Variants in FAM168A observed in about 807,000 individuals in gnomAD.
FAM168A encodes the protein protein FAM168A.
Under a neutral mutation model 28.5 loss-of-function variants are expected in FAM168A, and 3 were observed. That is an observed-to-expected ratio of 0.11 (90% CI 0.05 to 0.27). FAM168A has a LOEUF of 0.27. Among genes scored for constraint, FAM168A ranks in the 10% least tolerant of loss-of-function variants. The pLI is 1.00. For missense variants in FAM168A, 222 were observed against 311.5 expected, an observed-to-expected ratio of 0.71 and a Z score of 2.16; for synonymous variants, 122 against 124.2, an observed-to-expected ratio of 0.98 and a Z score of 0.12.
At chr11:73,501,841 C>T (rs1041885866) in intron 1 of FAM168A, among the ~76,000 whole-genome samples, 4 of 152,114 alleles carry the variant, frequency 2.6e-5, no homozygotes, top group African/African-American at 9.7e-5. Context: ...GTGGCTCAAG[C>T]CTGTAATCCC....
intron 1 of FAM168A, among the ~76,000 whole-genome samples, chr11:73,475,055 C>T (rs1867870140): frequency 6.6e-6 from 1 of 152,146 alleles, no homozygotes. Flanking sequence ...TTCTAGATTC[C>T]TACCCACTGT....
chr11:73,557,964 T>C (rs75084502), intron 1 of FAM168A, among the ~76,000 whole-genome samples: 4,513 of 152,178 alleles, frequency 0.03, 219 homozygotes, highest in African/African-American at 0.1. Context: ...GACAACTGAA[T>C]ATCTACAGGC....
chr11:73,413,812 T>C (rs914141110), intron 4 of FAM168A, among the ~76,000 whole-genome samples: 6 of 152,190 alleles, frequency 3.9e-5, no homozygotes, highest in African/African-American at 9.6e-5. Context: ...TCACCTATAA[T>C]CCCAGCACTT....
chr11:73,457,723 C>CAAAAAAAAAAAA (rs58142151), intron 2 of FAM168A, among the ~76,000 whole-genome samples: 12 of 37,542 alleles, frequency 3.2e-4, no homozygotes, highest in African/African-American at 3.6e-4. Context: ...GCCTGGGTGA[C>CAAAAAAAAAAAA]AAAAAAAAAA....
At chr11:73,535,861 T>C (rs2134670266) in intron 1 of FAM168A, among the ~76,000 whole-genome samples, 1 of 147,256 alleles carries the variant, frequency 6.8e-6, no homozygotes, top group Non-Finnish European at 1.5e-5. Flanking sequence ...ACATCTGGCC[T>C]GCACTTAAAA....
intron 1 of FAM168A, among the ~76,000 whole-genome samples, chr11:73,531,971 A>ATT (rs1016007383): frequency 8.9e-4 from 110 of 123,450 alleles, no homozygotes; most frequent in Non-Finnish European, 1.3e-3. Context: ...TGCCTGGCTA[A>ATT]TTTTTTTTTT....
chr11:73,490,200 C>T (rs1272796633), intron 1 of FAM168A, among the ~76,000 whole-genome samples: 2 of 152,190 alleles, frequency 1.3e-5, no homozygotes, highest in African/African-American at 2.4e-5. Flanking sequence ...TCAGCTCTGT[C>T]TCTAAAATAT....
At chr11:73,549,011 G>A (rs185163404) in intron 1 of FAM168A, among the ~76,000 whole-genome samples, 249 of 151,982 alleles carry the variant, frequency 1.6e-3, no homozygotes, top group Non-Finnish European at 2.9e-3. Flanking sequence ...GCACAATCCC[G>A]GCTCACTGCA....
At chr11:73,493,310 C>T (rs113718771) in intron 1 of FAM168A, among the ~76,000 whole-genome samples, 1 of 152,054 alleles carries the variant, frequency 6.6e-6, no homozygotes, top group Admixed American at 6.5e-5. Flanking sequence ...ACAGGTAGCC[C>T]GTAGACCATA....
At chr11:73,484,606 A>C (rs1246027678) in intron 1 of FAM168A, among the ~76,000 whole-genome samples, 3 of 135,824 alleles carry the variant, frequency 2.2e-5, no homozygotes, top group Non-Finnish European at 4.9e-5. Flanking sequence ...CGATATCTAT[A>C]TCGATATATA....
At chr11:73,593,709 T>G (rs2134750876) in intron 1 of FAM168A, among the ~76,000 whole-genome samples, 1 of 152,356 alleles carries the variant, frequency 6.6e-6, no homozygotes, top group East Asian at 1.9e-4. Flanking sequence ...ACAACTAATT[T>G]TTTTAATGTG....
At chr11:73,528,450 A>T (rs1943472154) in intron 1 of FAM168A, among the ~76,000 whole-genome samples, 1 of 152,230 alleles carries the variant, frequency 6.6e-6, no homozygotes, top group South Asian at 2.1e-4. Context: ...TATAGTAATT[A>T]AGAAAATTAA....
intron 1 of FAM168A, among the ~76,000 whole-genome samples, chr11:73,472,158 C>T (rs201837058): frequency 2.0e-5 from 3 of 152,252 alleles, no homozygotes; most frequent in East Asian, 1.9e-4. Context: ...GGTTGGGGAC[C>T]GCTCCTGTAA....
intron 1 of FAM168A, among the ~76,000 whole-genome samples, chr11:73,544,778 TAA>T (rs1196974793): frequency 1.9e-3 from 222 of 114,780 alleles, no homozygotes; most frequent in African/African-American, 6.2e-3. Context: ...TAATTATATA[TAA>T]TTATATATTT....
intron 7 of FAM168A, 137 bp downstream of exon 7, chr11:73,407,376 G>A (rs530708229): frequency 9.3e-6 from 5 of 535,918 alleles, no homozygotes; most frequent in Admixed American, 8.3e-5. Flanking sequence ...TATGGACCTT[G>A]GAGCAGGAAA....
intron 1 of FAM168A, among the ~76,000 whole-genome samples, chr11:73,484,314 C>T (rs1053872506): frequency 2.0e-5 from 3 of 152,026 alleles, no homozygotes; most frequent in African/African-American, 7.2e-5. Flanking sequence ...CTCCTCTGAG[C>T]TTTCATAGTC....
chr11:73,523,559 G>A (rs1943412095), intron 1 of FAM168A, among the ~76,000 whole-genome samples: 1 of 152,000 alleles, frequency 6.6e-6, no homozygotes, highest in Non-Finnish European at 1.5e-5. Flanking sequence ...TCTTACCTTT[G>A]ACCTCTGCTT....
intron 6 of FAM168A, 107 bp downstream of exon 6, chr11:73,409,380 A>G: frequency 7.0e-7 from 1 of 1,430,634 alleles, no homozygotes; most frequent in Non-Finnish European, 9.5e-7. Context: ...GCCCCCTGGC[A>G]CAGGATCTCT....
chr11:73,404,836 T>C lies in FAM168A; in HGVS notation c.*1927A>G, dbSNP rs549519210. Reference sequence around the variant, plus strand: ...AGGTTGGGGTAAGGATATGTCCAAGTTTGCATGAATTTTAAATGAAAGCAG... The same window carrying C: ...AGGTTGGGGTAAGGATATGTCCAAGCTTGCATGAATTTTAAATGAAAGCAG... On this transcript the variant is annotated 3_prime_UTR_variant, in exon 8 of 8. Coordinates refer to ENST00000356467, the MANE Select transcript of FAM168A (RefSeq NM_015159.3). 7.2e-5 allele frequency: 11 copies of C among 152,340 alleles called. No homozygotes were observed. The highest frequency in any genetic ancestry group is 2.6e-4 in the African/African-American group (11 of 41,576). The allele number at this position is 152,340 out of a possible 1,614,324, so 9.4% of individuals were successfully genotyped here. A position where few individuals can be genotyped will look rare whatever the true frequency, so the allele number is the denominator to read the frequency against.
Sources: gnomAD v4.1 joint callset for allele counts (sites outside exome capture counted in the v4.1 genomes callset) on GRCh38, gnomAD v4.1.1 for gene constraint, MANE v1.5 for transcripts, NCBI Gene and HGNC (gene_info 2026-07-23, HGNC 2026-07-21) for gene names.